Variants in ARHGEF7 observed in about 807,000 individuals in gnomAD.
ARHGEF7 encodes the protein PAK-interacting exchange factor beta.
Under a neutral mutation model 109.8 loss-of-function variants are expected in ARHGEF7, and 33 were observed. The ratio of observed to expected loss-of-function variants is 0.30; its 90% CI spans 0.23 to 0.40. The LOEUF (loss-of-function observed/expected upper bound fraction) is 0.40, where lower values mean the gene tolerates loss of function less well. ARHGEF7 is among the 10% of genes least tolerant of loss of function. The probability of loss-of-function intolerance (pLI) is 1.00; values close to 1 mark genes in which losing one functional copy is unlikely to be tolerated. For missense variants in ARHGEF7, 938 were observed against 1,098.5 expected, an observed-to-expected ratio of 0.85 and a Z score of 2.07; for synonymous variants, 458 against 424.6, an observed-to-expected ratio of 1.08 and a Z score of -0.97.
chr13:111,242,611 T>TG (rs1373404852), intron 6 of ARHGEF7, among the ~76,000 whole-genome samples: 1 of 152,106 alleles, frequency 6.6e-6, no homozygotes, highest in Non-Finnish European at 1.5e-5. Context: ...CAGACTCGGG[T>TG]GAAAAAGAAT....
At chr13:111,205,230 T>G in intron 2 of ARHGEF7, 59 bp from the exon 3 acceptor site, 2 of 1,383,320 alleles carry the variant, frequency 1.4e-6, no homozygotes, top group Non-Finnish European at 1.0e-6. Context: ...GAGAACTTAG[T>G]TCATCCTGCA....
In ARHGEF7 at chr13:111,255,179, G is replaced by A. The variant is rs9560020; in HGVS notation, c.950+10885G>A. On this transcript the variant is annotated intron_variant, in intron 8 of 21. Transcript: ENST00000646102. This position sits in a 1 kb window ranked among gnomAD's most constrained non-coding sequence, Gnocchi z 4.1. Reference sequence around the variant, plus strand: ...AGGATTCGGGCTAAGGCGCTGAGTCGCTAACGTGAAGGCCGGGCTCAGAAG... The same window carrying A: ...AGGATTCGGGCTAAGGCGCTGAGTCACTAACGTGAAGGCCGGGCTCAGAAG... Among the ~76,000 whole-genome samples, 10 of 139,468 alleles carry A rather than the reference G, an allele frequency of 7.2e-5. No individual in the cohort carries two copies. Among genetic ancestry groups the A allele is most frequent in the Non-Finnish European group, 1.4e-4 (9 of 64,802 alleles). 91.5% of individuals were successfully genotyped at this position (139,468 alleles called of 152,430 possible). A position where few individuals can be genotyped will look rare whatever the true frequency, so the allele number is the denominator to read the frequency against.
intron 19 of ARHGEF7, chr13:111,294,216 A>T: frequency 1.0e-6 from 1 of 985,396 alleles, no homozygotes; most frequent in Non-Finnish European, 1.2e-6. Flanking sequence ...CTATAAGTGG[A>T]TTTAGAAGCG....
Position 111,270,037 on chromosome 13 carries a change from T to C in ARHGEF7, c.1073+2367T>C, listed in dbSNP as rs140711631. On this transcript the variant is annotated intron_variant, in intron 9 of 21. Transcript: ENST00000646102. ...TTTAAAGTCTTATTTGCATCCTCAC[T>C]GTCCTTGTGTTACTTGGGTTTAAGT... 2.4e-3 allele frequency among the ~76,000 whole-genome samples: 359 copies of C among 152,364 alleles called. 1 individual carries two copies. Among genetic ancestry groups the C allele is most frequent in the Non-Finnish European group, 2.6e-3 (176 of 68,028 alleles).
Position 111,258,799 on chromosome 13 carries a change from G to T in ARHGEF7, c.951-8749G>T, listed in dbSNP as rs2090755467. Among the ~76,000 whole-genome samples the T allele has an allele frequency of 6.6e-6, 1 of 152,154 alleles. No homozygotes were observed. The highest frequency in any genetic ancestry group is 2.4e-5 in the African/African-American group (1 of 41,416). On this transcript the variant is annotated intron_variant, in intron 8 of 21. Transcript: ENST00000646102. This position sits in a 1 kb window ranked among gnomAD's most constrained non-coding sequence, Gnocchi z 4.4. ...TGGGAGTCCCCAGTTTCAGGCCTTGGCTGTTAGACATGATTTCGGGACCTG... is the reference window on the plus strand; with the variant it reads ...TGGGAGTCCCCAGTTTCAGGCCTTGTCTGTTAGACATGATTTCGGGACCTG...
At chr13:111,285,130 A>G (rs1334818905) in intron 16 of ARHGEF7, among the ~76,000 whole-genome samples, 1 of 152,160 alleles carries the variant, frequency 6.6e-6, no homozygotes, top group Non-Finnish European at 1.5e-5. Flanking sequence ...CAAATAGGAA[A>G]CATTGTACCC....
intron 2 of ARHGEF7, among the ~76,000 whole-genome samples, chr13:111,163,626 G>A (rs557882032): frequency 7.9e-5 from 12 of 152,030 alleles, no homozygotes; most frequent in Admixed American, 2.6e-4. Context: ...GTACAGTGGC[G>A]TGATCATGGT....
intron 1 of ARHGEF7, among the ~76,000 whole-genome samples, chr13:111,117,674 T>G (rs1018318121): frequency 6.6e-6 from 1 of 152,208 alleles, no homozygotes; most frequent in Non-Finnish European, 1.5e-5. Flanking sequence ...CTTTCTTTTC[T>G]TTTTCTCTTT....
At chr13:111,188,085 G>T (rs945767800) in intron 2 of ARHGEF7, among the ~76,000 whole-genome samples, 12 of 152,200 alleles carry the variant, frequency 7.9e-5, no homozygotes, top group African/African-American at 2.9e-4. Flanking sequence ...GAAGCTGCAG[G>T]CCCTGCTTTC....
intron 2 of ARHGEF7, chr13:111,182,349 T>C (rs1207333852): frequency 1.3e-5 from 2 of 152,372 alleles, no homozygotes; most frequent in African/African-American, 2.4e-5. Context: ...TGTCATACAG[T>C]GGACCTTCAA....
Position 111,221,417 on chromosome 13 carries a change from CTATATATCTA to C in ARHGEF7, c.670+3544_670+3553del, listed in dbSNP as rs2084114409. Among the ~76,000 whole-genome samples, 2 of 2,488 alleles carry C rather than the reference CTATATATCTA, an allele frequency of 8.0e-4. 1 individual carries two copies. The highest frequency in any genetic ancestry group is 1.5e-3 in the African/African-American group (2 of 1,368). The allele number at this position is 2,488 out of a possible 152,430, so 1.6% of individuals were successfully genotyped here. Reference sequence around the variant, plus strand: ...TCTATATATCTATATATATAGATGTCTATATATCTATATATAGATATATATATCTATATAT... The same window carrying C: ...TCTATATATCTATATATATAGATGTCTATATAGATATATATATCTATATAT... On this transcript the variant is annotated intron_variant, in intron 5 of 21. Transcript: ENST00000646102.
chr13:111,154,952 A>C (rs1664060334), intron 2 of ARHGEF7, among the ~76,000 whole-genome samples: 1 of 152,002 alleles, frequency 6.6e-6, no homozygotes, highest in Admixed American at 6.6e-5. Flanking sequence ...AAGGTTACCC[A>C]CCCGTGTATT....
chr13:111,290,330 CA>C (rs2093223358), intron 18 of ARHGEF7, among the ~76,000 whole-genome samples: 1 of 152,000 alleles, frequency 6.6e-6, no homozygotes, highest in South Asian at 2.1e-4. Flanking sequence ...AAAAATAATA[CA>C]AATAAAAAAT....
At chr13:111,147,047 G>A (rs1354994942) in intron 1 of ARHGEF7, among the ~76,000 whole-genome samples, 1 of 152,134 alleles carries the variant, frequency 6.6e-6, no homozygotes, top group African/African-American at 2.4e-5. Flanking sequence ...CAGAGTTGTT[G>A]GTCACTTGAG....
At chr13:111,202,474 A>G (rs2081317026) in intron 2 of ARHGEF7, among the ~76,000 whole-genome samples, 1 of 152,134 alleles carries the variant, frequency 6.6e-6, no homozygotes, top group African/African-American at 2.4e-5. Flanking sequence ...AGGCTTCCAA[A>G]AGGAGGCCTG....
At chr13:111,175,489 G>A (rs1229126116) in intron 2 of ARHGEF7, among the ~76,000 whole-genome samples, 1 of 152,192 alleles carries the variant, frequency 6.6e-6, no homozygotes, top group East Asian at 1.9e-4. Flanking sequence ...GCAGAAGAGT[G>A]CCTGGGCAAA....
intron 2 of ARHGEF7, among the ~76,000 whole-genome samples, chr13:111,195,064 C>T (rs1440318675): frequency 6.6e-6 from 1 of 152,180 alleles, no homozygotes; most frequent in East Asian, 1.9e-4. Flanking sequence ...GCTGCATTTC[C>T]TTACTAAGCC....
intron 20 of ARHGEF7, among the ~76,000 whole-genome samples, 162 bp downstream of exon 20, chr13:111,301,009 T>C (rs1300117138): frequency 6.6e-6 from 1 of 151,758 alleles, no homozygotes; most frequent in Non-Finnish European, 1.5e-5. Context: ...AGTGCAATGG[T>C]GCGATCTCAG....
At position 111,221,339 on chromosome 13, in the gene ARHGEF7, ATCTATATATATG is replaced by A. The variant is rs1457971342; in HGVS notation, c.670+3471_670+3482del. On this transcript the variant is annotated intron_variant, in intron 5 of 21. Transcript: ENST00000646102. ...TATATAGATATATATGTCTATATAT[ATCTATATATATG>A]TCTATATATATATCTATATATATAT... Among the ~76,000 whole-genome samples the A allele has an allele frequency of 4.2e-3, 56 of 13,458 alleles. 19 individuals carry two copies. The highest frequency in any genetic ancestry group is 0.014 in the East Asian group (2 of 148). 8.8% of individuals were successfully genotyped at this position (13,458 alleles called of 152,430 possible). A position where few individuals can be genotyped will look rare whatever the true frequency, so the allele number is the denominator to read the frequency against.
Sources: gnomAD v4.1 joint callset for allele counts (sites outside exome capture counted in the v4.1 genomes callset) on GRCh38, gnomAD v4.1.1 for gene constraint, Gnocchi (gnomAD v3.1) non-coding constraint, MANE v1.5 for transcripts, NCBI Gene and HGNC (gene_info 2026-07-23, HGNC 2026-07-21) for gene names.